Variants in MCPH1 observed in about 807,000 individuals in gnomAD.
MCPH1 encodes microcephalin.
A neutral mutation model predicts 84.5 loss-of-function variants in MCPH1; 104 were observed. That is an observed-to-expected ratio of 1.23 (90% CI 1.05 to 1.45). The LOEUF is 1.45. Ranked by LOEUF, MCPH1 falls within the 40% of genes most tolerant of loss-of-function variation. The probability of loss-of-function intolerance (pLI) is 0.00; values close to 1 mark genes in which losing one functional copy is unlikely to be tolerated. For synonymous variants in MCPH1, 514 were observed against 366.8 expected (o/e 1.40, Z -4.58); for missense variants, 1,498 against 1,005.7 (o/e 1.49, Z -6.62).
At chr8:6,433,737 G>C (rs1009092681) in intron 4 of MCPH1, among the ~76,000 whole-genome samples, 1 of 147,404 alleles carries the variant, frequency 6.8e-6, no homozygotes, top group African/African-American at 2.5e-5. Context: ...ATGATTGCTT[G>C]TACACTTTAC....
At chr8:6,442,577 G>T (rs182836657) in intron 7 of MCPH1, among the ~76,000 whole-genome samples, 7 of 152,288 alleles carry the variant, frequency 4.6e-5, no homozygotes, top group African/African-American at 1.7e-4. Context: ...ATAAATAGAG[G>T]ATTTCTAATT....
Position 6,601,350 on chromosome 8 carries a change from C to A in MCPH1, c.2215-20104C>A, listed in dbSNP as rs140111253. Among the ~76,000 whole-genome samples the A allele has an allele frequency of 6.3e-3, 961 of 152,202 alleles. 4 individuals are homozygous for A. Among genetic ancestry groups the A allele is most frequent in the Middle Eastern group, 0.027 (8 of 294 alleles). On this transcript the variant is annotated intron_variant, in intron 12 of 13. Coordinates refer to ENST00000344683, the MANE Select transcript of MCPH1 (RefSeq NM_024596.5). ...GACTCTTGAGCAAAGCCTTCAAGAC[C>A]TCTCCTTAAACTGCCCTCCTCCTCT...
intron 12 of MCPH1, among the ~76,000 whole-genome samples, chr8:6,519,180 C>G (rs1378651952): frequency 6.6e-6 from 1 of 152,174 alleles, no homozygotes. Flanking sequence ...GAATCGCCTT[C>G]CCCAGCGGTT....
intron 2 of MCPH1, among the ~76,000 whole-genome samples, chr8:6,411,558 A>G (rs1798541401): frequency 6.6e-6 from 1 of 152,200 alleles, no homozygotes; most frequent in Non-Finnish European, 1.5e-5. Context: ...TGAAGTTGCT[A>G]AGATCGACAG....
chr8:6,562,145 A>C (rs918112084), intron 12 of MCPH1, among the ~76,000 whole-genome samples: 4 of 152,206 alleles, frequency 2.6e-5, no homozygotes, highest in Admixed American at 2.6e-4. Flanking sequence ...AACCTATTTT[A>C]GTAAATAAAT....
rs554393298 is a variant in MCPH1, at chr8:6,421,477, C to G, written c.233+6594C>G. Among the ~76,000 whole-genome samples the G allele has an allele frequency of 4.6e-5, 7 of 152,090 alleles. No individual in the cohort carries two copies. In the East Asian group the frequency reaches 1.4e-3, roughly 29 times the overall value. ...GCAGAGAATGGCCAACTATCATCCC[C>G]CAGCCAAATCCACCCTGCCATACTG... On this transcript the variant is annotated intron_variant, in intron 3 of 13. Transcript: ENST00000344683.
In MCPH1 at chr8:6,516,402, A is replaced by G. The variant is rs150471128; in HGVS notation, c.2214+16473A>G. Among the ~76,000 whole-genome samples the G allele has an allele frequency of 2.6e-5, 4 of 152,322 alleles. No homozygotes were observed. In the East Asian group the frequency reaches 7.7e-4, roughly 29 times the overall value. On this transcript the variant is annotated intron_variant, in intron 12 of 13. Transcript: ENST00000344683. ...TGATCAGTTACTCACCTTCTAAGTG[A>G]TATATAGGATTTGAATAAGGTCTCT...
At chr8:6,580,716 T>C (rs1310934567) in intron 12 of MCPH1, among the ~76,000 whole-genome samples, 1 of 151,908 alleles carries the variant, frequency 6.6e-6, no homozygotes, top group East Asian at 1.9e-4. Flanking sequence ...CTCGGACAAA[T>C]GTCACATTAT....
At chr8:6,457,355 C>T (rs747246707) in intron 9 of MCPH1, among the ~76,000 whole-genome samples, 3 of 151,572 alleles carry the variant, frequency 2.0e-5, no homozygotes, top group Admixed American at 1.3e-4. Context: ...TACTTTGGGG[C>T]GGGCGGATCA....
intron 7 of MCPH1, among the ~76,000 whole-genome samples, chr8:6,443,218 C>G (rs1803772692): frequency 6.6e-6 from 1 of 152,166 alleles, no homozygotes; most frequent in Non-Finnish European, 1.5e-5. Flanking sequence ...ATGGCAAACC[C>G]AAGCTTCTAA....
chr8:6,629,454 C>T (rs1338181563), intron 13 of MCPH1, among the ~76,000 whole-genome samples: 1 of 151,960 alleles, frequency 6.6e-6, no homozygotes, highest in South Asian at 2.1e-4. Context: ...AGAGCAAAAC[C>T]CCATCTCAAA....
intron 9 of MCPH1, among the ~76,000 whole-genome samples, chr8:6,465,767 C>T (rs1027290253): frequency 2.6e-5 from 4 of 152,172 alleles, no homozygotes; most frequent in African/African-American, 7.2e-5. Flanking sequence ...GTTTGTTATG[C>T]TCCTCAGACA....
intron 3 of MCPH1, among the ~76,000 whole-genome samples, chr8:6,418,785 T>G (rs1799695916): frequency 6.6e-6 from 1 of 152,170 alleles, no homozygotes; most frequent in South Asian, 2.1e-4. Flanking sequence ...TTTCACCATG[T>G]TGGCCAGGAT....
At chr8:6,628,109 G>T (rs924910474) in intron 13 of MCPH1, among the ~76,000 whole-genome samples, 1 of 152,002 alleles carries the variant, frequency 6.6e-6, no homozygotes, top group African/African-American at 2.4e-5. Flanking sequence ...TTGGGTCCCC[G>T]TCGTTAAACT....
At chr8:6,434,352 C>T (rs1265392747) in intron 4 of MCPH1, among the ~76,000 whole-genome samples, 1 of 152,180 alleles carries the variant, frequency 6.6e-6, no homozygotes, top group Non-Finnish European at 1.5e-5. Flanking sequence ...AATCCTTCAT[C>T]TCACTACTCA....
intron 1 of MCPH1, among the ~76,000 whole-genome samples, chr8:6,408,486 T>G (rs773784027): frequency 7.9e-5 from 12 of 152,222 alleles, no homozygotes; most frequent in Middle Eastern, 3.4e-3. Context: ...CCTTGCAAAA[T>G]GCTGGGATTA....
intron 11 of MCPH1, 49 bp downstream of exon 11, chr8:6,480,925 G>A: frequency 6.2e-7 from 1 of 1,602,950 alleles, no homozygotes; most frequent in Non-Finnish European, 8.5e-7. Context: ...CATTTTGATA[G>A]AGTGGGTCAC....
chr8:6,523,651 G>A lies in MCPH1; in HGVS notation c.2214+23722G>A, dbSNP rs1011849996. Among the ~76,000 whole-genome samples, 8 of 152,104 alleles carry A rather than the reference G, an allele frequency of 5.3e-5. No homozygotes were observed. In the East Asian group the frequency reaches 1.4e-3, roughly 26 times the overall value. On this transcript the variant is annotated intron_variant, in intron 12 of 13. Transcript: ENST00000344683. ...GTGGCCTGGGCTGTTGTGCAGTGGC[G>A]CGATCTCAGCTCGCTGCAACCTCCG...
At chr8:6,537,684 C>A (rs1197774810) in intron 12 of MCPH1, among the ~76,000 whole-genome samples, 1 of 152,002 alleles carries the variant, frequency 6.6e-6, no homozygotes, top group East Asian at 1.9e-4. Flanking sequence ...GCAACTATGG[C>A]AGATTGATTA....
Sources: allele counts gnomAD v4.1 joint callset (sites outside exome capture counted in the v4.1 genomes callset), GRCh38; gene constraint gnomAD v4.1.1; transcripts MANE v1.5; gene names NCBI Gene and HGNC (gene_info 2026-07-23, HGNC 2026-07-21).